Variants in FAT3 observed in about 807,000 individuals in gnomAD.
The protein encoded by FAT3 is FAT atypical cadherin 3.
FAT3 carries 95 observed loss-of-function variants against 310.2 expected under a neutral mutation model. That is an observed-to-expected ratio of 0.31 (90% confidence interval 0.26 to 0.36). The LOEUF is 0.36. Among genes scored for constraint, FAT3 ranks in the 10% least tolerant of loss-of-function variants. FAT3 has a pLI of 1.00. For synonymous variants in FAT3, 2,314 were observed against 2,192.9 expected (o/e 1.06, Z -1.54); for missense variants, 5,408 against 5,715.6 (o/e 0.95, Z 1.74).
chr11:92,422,800 G>C (rs1240311107), intron 2 of FAT3, among the ~76,000 whole-genome samples: 1 of 152,046 alleles, frequency 6.6e-6, no homozygotes, highest in Admixed American at 6.6e-5. Flanking sequence ...TTGGTGGCAG[G>C]GAAGACTTTG....
chr11:92,705,889 G>A, intron 4 of FAT3, among the ~76,000 whole-genome samples: 1 of 142,964 alleles, frequency 7.0e-6, no homozygotes, highest in Non-Finnish European at 1.5e-5. Flanking sequence ...TGGTGGTGGT[G>A]TGATGGTGGT....
At chr11:92,460,089 A>G (rs1242841770) in intron 2 of FAT3, among the ~76,000 whole-genome samples, 1 of 152,094 alleles carries the variant, frequency 6.6e-6, no homozygotes, top group Non-Finnish European at 1.5e-5. Flanking sequence ...TTTTTCCTCC[A>G]ATGATGCCTG....
chr11:92,547,017 T>TA (rs1389715187), intron 3 of FAT3, among the ~76,000 whole-genome samples: 1 of 152,198 alleles, frequency 6.6e-6, no homozygotes, highest in Non-Finnish European at 1.5e-5. Flanking sequence ...AAGGTCTCTT[T>TA]AGATCAAGGG....
intron 2 of FAT3, among the ~76,000 whole-genome samples, chr11:92,496,956 C>T (rs1175488628): frequency 3.9e-5 from 6 of 152,006 alleles, no homozygotes; most frequent in Non-Finnish European, 8.8e-5. Context: ...ACTTTACAAG[C>T]TTCACAATGA....
chr11:92,618,855 CT>C (rs1940946852), intron 3 of FAT3, among the ~76,000 whole-genome samples: 1 of 151,590 alleles, frequency 6.6e-6, no homozygotes, highest in Admixed American at 6.6e-5. Flanking sequence ...TTTAATTGCC[CT>C]AGATAGAACT....
intron 2 of FAT3, among the ~76,000 whole-genome samples, chr11:92,474,153 A>G (rs1338292527): frequency 1.3e-5 from 2 of 151,968 alleles, no homozygotes; most frequent in Non-Finnish European, 2.9e-5. Flanking sequence ...GCTGAGGCTC[A>G]CTCCTCTGGT....
At chr11:92,870,950 A>G (rs1292641378) in intron 22 of FAT3, among the ~76,000 whole-genome samples, 1 of 152,148 alleles carries the variant, frequency 6.6e-6, no homozygotes, top group East Asian at 1.9e-4. Context: ...CCCTCATTTT[A>G]CAGATAAAGA....
At chr11:92,242,032 A>G (rs771520492) in intron 1 of FAT3, among the ~76,000 whole-genome samples, 5 of 152,048 alleles carry the variant, frequency 3.3e-5, no homozygotes, top group Admixed American at 3.3e-4. Context: ...CTTAGGAACC[A>G]GAAAGAAGGA....
chr11:92,499,211 C>A (rs1355692112), intron 2 of FAT3, among the ~76,000 whole-genome samples: 1 of 151,886 alleles, frequency 6.6e-6, no homozygotes, highest in Non-Finnish European at 1.5e-5. Flanking sequence ...CTTTATTAAT[C>A]GTACACAAAA....
chr11:92,577,221 A>G (rs1591476432), intron 3 of FAT3, among the ~76,000 whole-genome samples: 1 of 151,794 alleles, frequency 6.6e-6, no homozygotes, highest in African/African-American at 2.4e-5. Flanking sequence ...CGATTCTCCC[A>G]TCTCAGCCTC....
At chr11:92,426,091 T>C (rs1232410808) in intron 2 of FAT3, among the ~76,000 whole-genome samples, 1 of 152,232 alleles carries the variant, frequency 6.6e-6, no homozygotes, top group African/African-American at 2.4e-5. Context: ...TAGCGTGAGA[T>C]GGAATCTCAT....
chr11:92,623,755 A>C (rs1038775923), intron 3 of FAT3, among the ~76,000 whole-genome samples: 1 of 152,132 alleles, frequency 6.6e-6, no homozygotes. Context: ...CATCCTGGCT[A>C]ACATGGTGAA....
intron 3 of FAT3, among the ~76,000 whole-genome samples, chr11:92,649,054 G>A (rs1591562158): frequency 1.3e-5 from 2 of 152,272 alleles, no homozygotes; most frequent in East Asian, 3.9e-4. Flanking sequence ...CCTGCCCAGT[G>A]AGGCATAAAT....
intron 13 of FAT3, among the ~76,000 whole-genome samples, chr11:92,828,486 A>G (rs1176325997): frequency 1.3e-5 from 2 of 152,094 alleles, no homozygotes; most frequent in Admixed American, 6.5e-5. Flanking sequence ...CTTTCTGGTT[A>G]TGCTTCCTTA....
chr11:92,354,516 A>G lies in FAT3; in HGVS notation c.2404A>G (p.Thr802Ala). 6.2e-7 allele frequency: 1 copy of G among 1,613,840 alleles called. No individual in the cohort carries two copies. Among genetic ancestry groups the G allele is most frequent in the Non-Finnish European group, 8.5e-7 (1 of 1,179,860 alleles). Residue 802 changes from threonine (T) to alanine (A), a missense_variant, in exon 2 of 28, where the codon ACC becomes GCC. This residue lies in a region of FAT3 where 4,588 missense variants were observed against 4,809.8 expected (regional missense o/e 0.95). Coordinates refer to ENST00000525166, the MANE Select transcript of FAT3 (RefSeq NM_001367949.2). ...CACAGACCTCTATCTCCTTAATATC[A>G]CCATCTATGACTTAGGTAATCCACA... ...EHTDLYLLNI[T>A]IYDLGNPQKS...
chr11:92,544,603 C>T (rs1316105150), intron 3 of FAT3, among the ~76,000 whole-genome samples: 1 of 152,142 alleles, frequency 6.6e-6, no homozygotes, highest in Non-Finnish European at 1.5e-5. Flanking sequence ...CCTGCCACCC[C>T]CATTCCAAGT....
chr11:92,397,838 G>A (rs1412563588), intron 2 of FAT3, among the ~76,000 whole-genome samples: 1 of 151,190 alleles, frequency 6.6e-6, no homozygotes, highest in African/African-American at 2.4e-5. Flanking sequence ...CCTGTGTTAT[G>A]GAATACTATT....
chr11:92,595,365 C>G, intron 3 of FAT3, among the ~76,000 whole-genome samples: 1 of 152,166 alleles, frequency 6.6e-6, no homozygotes, highest in East Asian at 1.9e-4. Context: ...AGGCTGGAAT[C>G]TGTTGAATTG....
At chr11:92,359,600 G>C (rs1295619913) in intron 2 of FAT3, among the ~76,000 whole-genome samples, 1 of 148,058 alleles carries the variant, frequency 6.8e-6, no homozygotes, top group East Asian at 2.0e-4. Flanking sequence ...TCTAGCCTTA[G>C]GTATATCTCC....
Sources: gnomAD v4.1 joint callset for allele counts (sites outside exome capture counted in the v4.1 genomes callset) on GRCh38, gnomAD v4.1.1 for gene constraint, gnomAD v4.1.1 regional missense constraint, MANE v1.5 for transcripts, NCBI Gene and HGNC (gene_info 2026-07-23, HGNC 2026-07-21) for gene names.